SNAPC3: variants seen among roughly 807,000 people sequenced by gnomAD.
The protein encoded by SNAPC3 is snRNA-activating protein complex subunit 3.
In SNAPC3, 56 loss-of-function variants were observed where a neutral mutation model predicts 47.7. The observed-to-expected ratio is 1.18, with a 90% CI of 0.95 to 1.47. The LOEUF is 1.47. SNAPC3 is among the 40% of genes most tolerant of loss of function. The probability of loss-of-function intolerance (pLI) is 0.00; values close to 1 mark genes in which losing one functional copy is unlikely to be tolerated. For synonymous variants in SNAPC3, 235 were observed against 189.9 expected, an observed-to-expected ratio of 1.24 and a Z score of -1.95; for missense variants, 665 against 511.3, an observed-to-expected ratio of 1.30 and a Z score of -2.90.
At chr9:15,452,903 G>T in intron 6 of SNAPC3, 138 bp from the exon 7 acceptor site, 1 of 609,242 alleles carries the variant, frequency 1.6e-6, no homozygotes, top group Non-Finnish European at 2.8e-6. Context: ...CAAACATTTT[G>T]GTCTTCATCT....
chr9:15,451,336 C>G lies in SNAPC3; in HGVS notation c.749C>G (p.Ala250Gly). 1.3e-6 allele frequency: 2 copies of G among 1,481,566 alleles called. No homozygotes were observed. Among genetic ancestry groups the G allele is most frequent in the Non-Finnish European group, 1.9e-6 (2 of 1,072,010 alleles). The allele number at this position is 1,481,566 out of a possible 1,614,324, so 91.8% of individuals were successfully genotyped here. A position where few individuals can be genotyped will look rare whatever the true frequency, so the allele number is the denominator to read the frequency against. ...EHISKDLYKS[A>G]FFYFEGTFYN... The stretch of plus-strand genomic sequence containing the variant: ...TTCTTGTAGGACCTATACAAATCAG[C>G]CTTCTTTTATTTTGAAGGAACATTT... The change falls in exon 6 of 9, where the codon GCC becomes GGC. Residue 250 changes from alanine to glycine, a missense_variant. Ala to Gly is a moderately conservative substitution (Grantham distance 60). Transcript: ENST00000380821.
At chr9:15,451,430 T>C in intron 6 of SNAPC3, 28 bp downstream of exon 6, 1 of 1,093,468 alleles carries the variant, frequency 9.1e-7, no homozygotes, top group South Asian at 1.5e-5. Context: ...CTTCTCAAAG[T>C]CTTTCCTATT....
At chr9:15,431,702 T>G (rs2032168746) in intron 2 of SNAPC3, among the ~76,000 whole-genome samples, 1 of 152,112 alleles carries the variant, frequency 6.6e-6, no homozygotes, top group Non-Finnish European at 1.5e-5. Context: ...ATCATAGTAA[T>G]GTGTCACATA....
In SNAPC3 at chr9:15,453,077, C is replaced by G. The variant is rs1250270104; in HGVS notation, c.852C>G (p.Gly284=). 6.2e-7 allele frequency: 1 copy of G among 1,613,460 alleles called. No homozygotes were observed. Among genetic ancestry groups the G allele is most frequent in the Non-Finnish European group, 8.5e-7 (1 of 1,179,546 alleles). ...AGTGGTCAGAGTCCCATGATAGAGG[C>G]TATGGAAAGTTTCAGACTGCTAGAA... ...IIEWSESHDR[G]YGKFQTARME... The change falls in exon 7 of 9, where the codon GGC becomes GGG. Residue 284 remains glycine, a synonymous_variant. Coordinates refer to ENST00000380821, the MANE Select transcript of SNAPC3 (RefSeq NM_001039697.2).
At chr9:15,456,453 A>G (rs2034800180) in intron 7 of SNAPC3, among the ~76,000 whole-genome samples, 1 of 152,194 alleles carries the variant, frequency 6.6e-6, no homozygotes, top group Non-Finnish European at 1.5e-5. Flanking sequence ...TTGAGTGTCA[A>G]AGACAAACAA....
intron 4 of SNAPC3, among the ~76,000 whole-genome samples, chr9:15,446,311 A>G (rs1004221037): frequency 1.2e-4 from 18 of 152,144 alleles, no homozygotes; most frequent in South Asian, 1.0e-3. Flanking sequence ...CGCTCGAGCA[A>G]TCCTCCTGCC....
intron 3 of SNAPC3, among the ~76,000 whole-genome samples, chr9:15,435,572 C>A (rs917438154): frequency 6.8e-6 from 1 of 147,690 alleles, no homozygotes; most frequent in Non-Finnish European, 1.5e-5. Flanking sequence ...GACTCTGTCT[C>A]AAAAAAAAAT....
chr9:15,423,140 C>A lies in SNAPC3; in HGVS notation c.261C>A (p.Ala87=). 6.4e-7 allele frequency: 1 copy of A among 1,563,054 alleles called. No individual in the cohort carries two copies. ...CCGACCGGGAGGATGCCGCGGTGGC[C>A]AGGGATCTGGACTGCAGCCTGGAGG... ...ADSDREDAAV[A]RDLDCSLEAA... Residue 87 remains alanine (A), a synonymous_variant, in exon 1 of 9, where the codon GCC becomes GCA. Transcript: ENST00000380821.
downstream of SNAPC3, chr9:15,461,766 T>C (rs545893657): frequency 6.6e-6 from 1 of 152,328 alleles, no homozygotes; most frequent in South Asian, 2.1e-4. Context: ...CCACAAACAG[T>C]TAAGTCCATT....
chr9:15,432,380 A>T (rs1258794324), intron 2 of SNAPC3, among the ~76,000 whole-genome samples: 1 of 152,182 alleles, frequency 6.6e-6, no homozygotes, highest in Non-Finnish European at 1.5e-5. Flanking sequence ...AACAATGAGA[A>T]CGCCTAGAAC....
Position 15,460,270 on chromosome 9 carries a change from T to C in SNAPC3, c.*404T>C, listed in dbSNP as rs1398502822. ...GTAGTGGAAGTGTTTTGAAAATTCTTTGAAGAATGTGAGAGCTACACCTTC... is the reference window on the plus strand; with the variant it reads ...GTAGTGGAAGTGTTTTGAAAATTCTCTGAAGAATGTGAGAGCTACACCTTC... On this transcript the variant is annotated 3_prime_UTR_variant, in exon 9 of 9. Coordinates refer to ENST00000380821, the MANE Select transcript of SNAPC3 (RefSeq NM_001039697.2). 1 of 153,368 alleles carries C rather than the reference T, an allele frequency of 6.5e-6. No individual in the cohort carries two copies. Among genetic ancestry groups the C allele is most frequent in the East Asian group, 1.9e-4 (1 of 5,236 alleles). 9.5% of individuals were successfully genotyped at this position (153,368 alleles called of 1,614,324 possible).
Position 15,443,765 on chromosome 9 carries a change from C to A in SNAPC3, c.478-837C>A, listed in dbSNP as rs76795765. Among the ~76,000 whole-genome samples, 867 of 152,336 alleles carry A rather than the reference C, an allele frequency of 5.7e-3. 13 individuals carry two copies. Among genetic ancestry groups the A allele is most frequent in the African/African-American group, 0.02 (837 of 41,566 alleles). ...CAGGTCCCCACTGCCTGCCTTGGCA[C>A]CAGCCAGCTTCTCCAGGAATTCCAG... is the stretch of plus-strand genomic sequence containing the variant. On this transcript the variant is annotated intron_variant, in intron 3 of 8. Coordinates refer to ENST00000380821, the MANE Select transcript of SNAPC3 (RefSeq NM_001039697.2).
chr9:15,456,878 G>A (rs2034838978), intron 7 of SNAPC3, among the ~76,000 whole-genome samples: 1 of 152,080 alleles, frequency 6.6e-6, no homozygotes, highest in Non-Finnish European at 1.5e-5. Context: ...ATCATTCATT[G>A]CCATTCCATA....
chr9:15,442,724 C>G (rs76226569), intron 3 of SNAPC3, among the ~76,000 whole-genome samples: 2,723 of 151,858 alleles, frequency 0.018, 78 homozygotes, highest in East Asian at 0.11. Context: ...ACATCCCAGA[C>G]GATGGGCAGC....
In SNAPC3 at chr9:15,442,796, G is replaced by T. The variant is rs1054744335; in HGVS notation, c.478-1806G>T. The stretch of plus-strand genomic sequence containing the variant: ...CGGCCGGGTACAGGCTGCAATCTCG[G>T]CACTTTGGGAGGCCAAGGCAGGCGG... On this transcript the variant is annotated intron_variant, in intron 3 of 8. Coordinates refer to ENST00000380821, the MANE Select transcript of SNAPC3 (RefSeq NM_001039697.2). Among the ~76,000 whole-genome samples the T allele has an allele frequency of 1.4e-4, 21 of 152,202 alleles. 1 individual carries two copies. The highest frequency in any genetic ancestry group is 5.1e-4 in the African/African-American group (21 of 41,460).
chr9:15,466,717 C>T (rs748955052), downstream of SNAPC3: 31 of 1,518,206 alleles, frequency 2.0e-5, no homozygotes, highest in Middle Eastern at 5.2e-4. Flanking sequence ...TAATAAAAAA[C>T]ACACAAGACC....
intron 3 of SNAPC3, among the ~76,000 whole-genome samples, chr9:15,440,539 T>C (rs1439125401): frequency 6.6e-6 from 1 of 152,122 alleles, no homozygotes; most frequent in Non-Finnish European, 1.5e-5. Context: ...GTAAAAAAAT[T>C]TAAAAGCTGA....
chr9:15,425,430 G>C (rs1323061916), intron 2 of SNAPC3, among the ~76,000 whole-genome samples: 1 of 152,064 alleles, frequency 6.6e-6, no homozygotes, highest in African/African-American at 2.4e-5. Context: ...TGTTGGCCAG[G>C]CTGGTTTCAA....
chr9:15,464,786 T>C (rs1007913887), downstream of SNAPC3: 6 of 206,254 alleles, frequency 2.9e-5, no homozygotes, highest in Non-Finnish European at 5.9e-5. Context: ...TTCATTCCTA[T>C]ATATACCCAG....
Sources: gnomAD v4.1 joint callset for allele counts (sites outside exome capture counted in the v4.1 genomes callset) on GRCh38, gnomAD v4.1.1 for gene constraint, MANE v1.5 for transcripts, NCBI Gene and HGNC (gene_info 2026-07-23, HGNC 2026-07-21) for gene names.